The following TTC17 variants were observed in gnomAD, a reference collection of about 807,000 sequenced individuals.
TTC17 encodes the protein tetratricopeptide repeat protein 17.
TTC17 carries 58 observed loss-of-function variants against 143.8 expected under a neutral mutation model. That is an observed-to-expected ratio of 0.40 (90% confidence interval 0.33 to 0.50). The LOEUF is 0.50. Ranked by LOEUF, TTC17 falls within the 20% of genes least tolerant of loss-of-function variation. TTC17 has a pLI of 0.49. For missense variants in TTC17, 1,273 were observed against 1,392.5 expected (o/e 0.91, Z 1.37); for synonymous variants, 501 against 497.8 (o/e 1.01, Z -0.09).
chr11:43,443,192 T>G, intron 16 of TTC17, 133 bp from the exon 17 acceptor site: 1 of 1,013,466 alleles, frequency 9.9e-7, no homozygotes, highest in Non-Finnish European at 1.4e-6. Context: ...TGAATGGAAT[T>G]TTTATTACAT....
intron 21 of TTC17, among the ~76,000 whole-genome samples, chr11:43,462,272 A>G (rs1179637770): frequency 6.6e-6 from 1 of 152,212 alleles, no homozygotes; most frequent in African/African-American, 2.4e-5. Flanking sequence ...TGAAAACTAT[A>G]TACATACACA....
chr11:43,441,964 G>A (rs980556788), intron 16 of TTC17, among the ~76,000 whole-genome samples: 1 of 152,088 alleles, frequency 6.6e-6, no homozygotes. Context: ...TAGGAAATGC[G>A]TCCTTGGGTG....
intron 1 of TTC17, among the ~76,000 whole-genome samples, chr11:43,362,604 A>G (rs1856162307): frequency 6.6e-6 from 1 of 152,064 alleles, no homozygotes; most frequent in South Asian, 2.1e-4. Flanking sequence ...ATGATGGTTA[A>G]AGGAATTATT....
rs563142674 is a variant in TTC17, at chr11:43,405,811, T to G, written c.1621T>G (p.Tyr541Asp). The change falls in exon 13 of 24, where the codon TAT becomes GAT. Residue 541 changes from tyrosine (Y) to aspartate (D), a missense_variant. Tyr to Asp is a radical substitution (Grantham distance 160, BLOSUM62 -3). Transcript: ENST00000039989. ...GATCCACGAACTCAGCAGTGATGAT[T>G]ATTCTACAGAAGAAGAGGCCCAAAC... The part of the protein sequence containing the change: ...LRIHELSSDD[Y>D]STEEEAQTPD... 237 of 1,614,048 alleles carry G rather than the reference T, an allele frequency of 1.5e-4. 10 individuals are homozygous for G. The South Asian group carries it at 2.1e-3, about 14-fold the overall frequency.
chr11:43,391,353 C>G, intron 3 of TTC17, 112 bp from the exon 4 acceptor site: 1 of 693,130 alleles, frequency 1.4e-6, no homozygotes, highest in Non-Finnish European at 2.5e-6. Context: ...GAGCTGTGAT[C>G]ATGCCACTGC....
chr11:43,359,265 G>T, intron 1 of TTC17, 152 bp downstream of exon 1: 1 of 966,590 alleles, frequency 1.0e-6, no homozygotes, highest in Non-Finnish European at 1.4e-6. Context: ...CCTGCATTCG[G>T]ACCAGGCAGG....
At chr11:43,367,821 C>A (rs1436462795) in intron 1 of TTC17, among the ~76,000 whole-genome samples, 1 of 151,920 alleles carries the variant, frequency 6.6e-6, no homozygotes, top group Non-Finnish European at 1.5e-5. Flanking sequence ...TTTTTAAGCC[C>A]CCTCCAATTC....
intron 21 of TTC17, among the ~76,000 whole-genome samples, chr11:43,459,089 T>G (rs1045825504): frequency 6.6e-6 from 1 of 152,150 alleles, no homozygotes; most frequent in Non-Finnish European, 1.5e-5. Context: ...CAGATACAGC[T>G]TCTCTTCAAC....
intron 15 of TTC17, among the ~76,000 whole-genome samples, chr11:43,408,745 CT>C (rs910559245): frequency 5.4e-4 from 81 of 149,334 alleles, no homozygotes; most frequent in African/African-American, 1.9e-3. Context: ...AAAAATATAC[CT>C]TTTTTTTTTC....
In TTC17 at chr11:43,359,010, C is replaced by G; in HGVS notation, c.56C>G (p.Pro19Arg). 1.3e-6 allele frequency: 2 copies of G among 1,589,392 alleles called. No homozygotes were observed. The highest frequency in any genetic ancestry group is 1.1e-5 in the South Asian group (1 of 88,300). ...GRYELPPCSG[P>R]GWLLSLSALL... ...TACGAGCTGCCGCCTTGCTCCGGCC[C>G]AGGCTGGCTCCTCAGCCTTTCCGCC... The change falls in exon 1 of 24, where the codon CCA (proline) becomes CGA (arginine). Residue 19 changes from proline to arginine, a missense_variant. Physicochemically the swap from Pro to Arg is moderately radical, Grantham distance 103. Transcript: ENST00000039989.
Position 43,490,244 on chromosome 11 carries a change from G to C in TTC17, c.3036G>C (p.Gln1012His), listed in dbSNP as rs1449102746. ...TRIAKVLEKN[Q>H]TSWVLSSMAA... ...TGGCTAACATTCCTTTGCAGAACCA[G>C]ACGTCCTGGGTCCTCTCCAGCATGG... The change falls in exon 22 of 24, where the codon CAG becomes CAC. Residue 1012 changes from glutamine to histidine, a missense_variant. Gln to His is a conservative substitution (Grantham distance 24). This residue lies in a region of TTC17 where 878 missense variants were observed against 899.8 expected (regional missense o/e 0.98). Transcript: ENST00000039989. 2 of 1,608,848 alleles carry C rather than the reference G, an allele frequency of 1.2e-6. No homozygotes were observed. The highest frequency in any genetic ancestry group is 8.5e-7 in the Non-Finnish European group (1 of 1,176,926).
chr11:43,443,632 A>T, intron 17 of TTC17, 48 bp downstream of exon 17: 1 of 1,562,630 alleles, frequency 6.4e-7, no homozygotes, highest in Non-Finnish European at 8.7e-7. Flanking sequence ...CATGCCTTTC[A>T]GGGGATCCTA....
intron 21 of TTC17, among the ~76,000 whole-genome samples, chr11:43,478,987 T>A (rs1948237137): frequency 1.3e-5 from 2 of 152,150 alleles, no homozygotes; most frequent in South Asian, 4.1e-4. Flanking sequence ...ACGCCTGTAT[T>A]CCCAGTGCTT....
chr11:43,425,000 A>G (rs1424794076), intron 16 of TTC17, among the ~76,000 whole-genome samples: 1 of 152,198 alleles, frequency 6.6e-6, no homozygotes, highest in Non-Finnish European at 1.5e-5. Context: ...ACTTCTTGTT[A>G]TATACACTTG....
At chr11:43,446,735 C>T in intron 18 of TTC17, 1 of 923,240 alleles carries the variant, frequency 1.1e-6, no homozygotes, top group Non-Finnish European at 1.3e-6. Context: ...GTTCTCCTTC[C>T]TGCCTATTCC....
At chr11:43,382,354 T>A (rs967734287) in intron 2 of TTC17, among the ~76,000 whole-genome samples, 1 of 152,168 alleles carries the variant, frequency 6.6e-6, no homozygotes, top group African/African-American at 2.4e-5. Flanking sequence ...GTTAAAAACA[T>A]TGATGAAAAA....
At chr11:43,401,801 A>T (rs1359949136) in intron 10 of TTC17, among the ~76,000 whole-genome samples, 1 of 151,702 alleles carries the variant, frequency 6.6e-6, no homozygotes, top group African/African-American at 2.4e-5. Context: ...ACATGGTGAA[A>T]CCCCATCTCT....
In TTC17 at chr11:43,431,866, C is replaced by T. The variant is rs773045835; in HGVS notation, c.2252-11459C>T. On this transcript the variant is annotated intron_variant, in intron 16 of 23. Transcript: ENST00000039989. ...AAACTCACTTTGTAGATGAGGAAAA[C>T]GATTCACAAAAAGGTAAAGTAACTT... Among the ~76,000 whole-genome samples, 6 of 152,188 alleles carry T rather than the reference C, an allele frequency of 3.9e-5. No homozygotes were observed. In the East Asian group the frequency reaches 5.8e-4, roughly 15 times the overall value.
chr11:43,493,999 G>A lies in TTC17; in HGVS notation c.*95G>A, dbSNP rs1948516967. On this transcript the variant is annotated 3_prime_UTR_variant, in exon 24 of 24. Coordinates refer to ENST00000039989, the MANE Select transcript of TTC17 (RefSeq NM_018259.6). Reference sequence around the variant, plus strand: ...ATTGTCAGTATCTACTATTAATGATGTGTGTGAAAATAACTAAGACTTATA... The same window carrying A: ...ATTGTCAGTATCTACTATTAATGATATGTGTGAAAATAACTAAGACTTATA... The A allele has an allele frequency of 5.6e-6, 8 of 1,416,724 alleles. No individual in the cohort carries two copies. Among genetic ancestry groups the A allele is most frequent in the Non-Finnish European group, 7.5e-6 (8 of 1,062,376 alleles). The allele number at this position is 1,416,724 out of a possible 1,614,324, so 87.8% of individuals were successfully genotyped here.
Sources: gnomAD v4.1 joint callset for allele counts (sites outside exome capture counted in the v4.1 genomes callset) on GRCh38, gnomAD v4.1.1 for gene constraint, gnomAD v4.1.1 regional missense constraint, MANE v1.5 for transcripts, NCBI Gene and HGNC (gene_info 2026-07-23, HGNC 2026-07-21) for gene names.